The following AP2B1 variants were observed in gnomAD, a reference collection of about 807,000 sequenced individuals.
AP2B1 encodes the protein AP-2 complex subunit beta.
In AP2B1, 23 loss-of-function variants were observed where a neutral mutation model predicts 102.0. That is an observed-to-expected ratio of 0.23 (90% CI 0.16 to 0.32). The LOEUF (loss-of-function observed/expected upper bound fraction) is 0.32, where lower values mean the gene tolerates loss of function less well. Among genes scored for constraint, AP2B1 ranks in the 10% least tolerant of loss-of-function variants. AP2B1 has a pLI of 1.00. For missense variants in AP2B1, 541 were observed against 1,157.4 expected (o/e 0.47, Z 7.73); for synonymous variants, 381 against 421.2 (o/e 0.90, Z 1.17).
At chr17:35,640,207 A>G (rs146644391) in intron 11 of AP2B1, among the ~76,000 whole-genome samples, 2 of 142,510 alleles carry the variant, frequency 1.4e-5, no homozygotes, top group African/African-American at 5.2e-5. Context: ...ATGAGCCACT[A>G]TGCCTGGCCA....
chr17:35,710,127 T>A, intron 19 of AP2B1, 107 bp from the exon 20 acceptor site: 1 of 765,034 alleles, frequency 1.3e-6, no homozygotes, highest in Non-Finnish European at 2.3e-6. Context: ...TGCTGCTAGC[T>A]GTATTGCAAG....
chr17:35,590,626 TC>T (rs1228950809), intron 1 of AP2B1, among the ~76,000 whole-genome samples: 1 of 152,252 alleles, frequency 6.6e-6, no homozygotes, highest in East Asian at 1.9e-4. Flanking sequence ...ATATCCCTTC[TC>T]TTTAGAGCAG....
At chr17:35,674,666 A>G (rs148506501) in intron 17 of AP2B1, among the ~76,000 whole-genome samples, 39 of 152,278 alleles carry the variant, frequency 2.6e-4, no homozygotes, top group African/African-American at 7.7e-4. Context: ...GATTACGCCA[A>G]TGCACTCCAG....
At chr17:35,707,601 C>T (rs587685065) in intron 18 of AP2B1, among the ~76,000 whole-genome samples, 73 of 152,110 alleles carry the variant, frequency 4.8e-4, no homozygotes, top group African/African-American at 1.6e-3. Flanking sequence ...TACAGCCACG[C>T]GCCTCCACGC....
chr17:35,654,571 A>G (rs944359852), intron 13 of AP2B1, among the ~76,000 whole-genome samples: 1 of 152,152 alleles, frequency 6.6e-6, no homozygotes, highest in African/African-American at 2.4e-5. Context: ...TTCACCCGTA[A>G]GTACTGTACT....
chr17:35,665,934 C>T (rs921108833), intron 14 of AP2B1, among the ~76,000 whole-genome samples: 1 of 152,202 alleles, frequency 6.6e-6, no homozygotes, highest in African/African-American at 2.4e-5. Context: ...CCAGTCCGCT[C>T]AGTGGTTATC....
chr17:35,650,608 G>A lies in AP2B1; in HGVS notation c.1615G>A (p.Glu539Lys). ...CTCAACTGACCCTGTTACAGCTAAA[G>A]AAGTAGTCTTGTCTGAGAAGCCACT... ...LLSTDPVTAKEVVLSEKPLIS... is the reference protein window; with the variant it reads ...LLSTDPVTAKKVVLSEKPLIS... Residue 539 changes from glutamate to lysine, a missense_variant, in exon 13 of 22, where the codon GAA (glutamate) becomes AAA (lysine). Glu to Lys is a moderately conservative substitution (Grantham distance 56). Around this residue, in one of 10 missense-constraint regions of AP2B1, gnomAD observed 106 missense variants for 296.4 expected, o/e 0.36. Transcript: ENST00000610402. 1 of 1,614,184 alleles carries A rather than the reference G, an allele frequency of 6.2e-7. No individual in the cohort carries two copies. Among genetic ancestry groups the A allele is most frequent in the Non-Finnish European group, 8.5e-7 (1 of 1,180,036 alleles).
At chr17:35,645,989 A>AC (rs1398529997) in intron 12 of AP2B1, among the ~76,000 whole-genome samples, 2 of 152,360 alleles carry the variant, frequency 1.3e-5, no homozygotes, top group East Asian at 3.9e-4. Flanking sequence ...CTGCTTGTTA[A>AC]AAATACTAAT....
intron 6 of AP2B1, among the ~76,000 whole-genome samples, chr17:35,625,917 C>T (rs576544162): frequency 5.9e-4 from 90 of 152,218 alleles, no homozygotes; most frequent in Admixed American, 1.0e-3. Flanking sequence ...AAGTTAGCTA[C>T]TTGTGTTGCC....
chr17:35,673,672 A>G (rs922047313), intron 16 of AP2B1, among the ~76,000 whole-genome samples: 13 of 152,348 alleles, frequency 8.5e-5, no homozygotes, highest in Middle Eastern at 3.4e-3. Flanking sequence ...TATATAAGAC[A>G]TAGTCGATGC....
chr17:35,661,920 A>G (rs1173602833), intron 14 of AP2B1, among the ~76,000 whole-genome samples: 1 of 152,232 alleles, frequency 6.6e-6, no homozygotes, highest in Non-Finnish European at 1.5e-5. Context: ...TGCCATTAAC[A>G]GTATTTACTT....
At chr17:35,694,438 T>TTA (rs2076101660) in intron 18 of AP2B1, among the ~76,000 whole-genome samples, 1 of 144,402 alleles carries the variant, frequency 6.9e-6, no homozygotes, top group Non-Finnish European at 1.6e-5. Flanking sequence ...TTTTTTAATT[T>TTA]TTTGTAGAGT....
At chr17:35,680,694 T>TTG (rs760015653) in intron 17 of AP2B1, among the ~76,000 whole-genome samples, 1,272 of 46,770 alleles carry the variant, frequency 0.027, 24 homozygotes, top group African/African-American at 0.094. Context: ...TGGTTTTTTT[T>TTG]TTTTTGTTTT....
Position 35,608,180 on chromosome 17 carries a change from A to G in AP2B1, c.318A>G (p.Ala106=), listed in dbSNP as rs1351689717. ...CTAATCCTTTGATTCGAGCCTTGGCAGTCAGAACCATGGGGTGCATCCGGG... is the reference window on the plus strand; with the variant it reads ...CTAATCCTTTGATTCGAGCCTTGGCGGTCAGAACCATGGGGTGCATCCGGG... ...EDPNPLIRAL[A]VRTMGCIRVD... Residue 106 remains alanine, a synonymous_variant, in exon 5 of 22, where the codon GCA becomes GCG. Transcript: ENST00000610402. 3 of 1,613,798 alleles carry G rather than the reference A, an allele frequency of 1.9e-6. No individual in the cohort carries two copies. The African/African-American group carries it at 4.0e-5, about 22-fold the overall frequency.
At chr17:35,710,484 C>T (rs587723168) in intron 20 of AP2B1, among the ~76,000 whole-genome samples, 164 bp downstream of exon 20, 105 of 152,188 alleles carry the variant, frequency 6.9e-4, no homozygotes, top group African/African-American at 2.2e-3. Flanking sequence ...TGTTTAAAAA[C>T]GTGATATGTT....
At chr17:35,634,004 G>A (rs555592258) in intron 9 of AP2B1, among the ~76,000 whole-genome samples, 4 of 152,168 alleles carry the variant, frequency 2.6e-5, no homozygotes, top group East Asian at 3.9e-4. Context: ...AAAATTAGCC[G>A]GGCATGGTGG....
At chr17:35,641,125 G>T (rs1598144394) in intron 11 of AP2B1, among the ~76,000 whole-genome samples, 1 of 152,282 alleles carries the variant, frequency 6.6e-6, no homozygotes, top group East Asian at 1.9e-4. Flanking sequence ...CTCCTAATAG[G>T]CTGTAATCTG....
chr17:35,600,870 A>T, intron 3 of AP2B1: 1 of 350,392 alleles, frequency 2.9e-6, no homozygotes. Context: ...CTGCTTCCCT[A>T]ACCAGACGGG....
chr17:35,688,617 T>C (rs1006391425), intron 18 of AP2B1, among the ~76,000 whole-genome samples: 17 of 152,336 alleles, frequency 1.1e-4, no homozygotes, highest in African/African-American at 4.1e-4. Context: ...GGACTGACTC[T>C]GTTTTCCCCT....
Sources: gnomAD v4.1 joint callset for allele counts (sites outside exome capture counted in the v4.1 genomes callset) on GRCh38, gnomAD v4.1.1 for gene constraint, gnomAD v4.1.1 regional missense constraint, MANE v1.5 for transcripts, NCBI Gene and HGNC (gene_info 2026-07-23, HGNC 2026-07-21) for gene names.